The following RSPH14 variants were observed in gnomAD, a reference collection of about 807,000 sequenced individuals.
RSPH14 encodes radial spoke head 14 homolog, also known as rhabdoid tumor deletion region gene 1.
In RSPH14, 20 loss-of-function variants were observed where a neutral mutation model predicts 26.7. That is an observed-to-expected ratio of 0.75 (90% CI 0.53 to 1.09). RSPH14 has a LOEUF of 1.09. RSPH14 is among the 50% of genes least tolerant of loss of function. The probability of loss-of-function intolerance (pLI) is 0.00; values close to 1 mark genes in which losing one functional copy is unlikely to be tolerated. For synonymous variants in RSPH14, 177 were observed against 189.3 expected, an observed-to-expected ratio of 0.93 and a Z score of 0.53; for missense variants, 449 against 457.2, an observed-to-expected ratio of 0.98 and a Z score of 0.16.
upstream of RSPH14, among the ~76,000 whole-genome samples, chr22:23,148,226 A>G (rs1346075292): frequency 6.6e-6 from 1 of 152,108 alleles, no homozygotes; most frequent in East Asian, 1.9e-4. Flanking sequence ...TGTGTCTCAG[A>G]CCTGTGGACA....
At chr22:23,153,668 G>A in the RSPH14 span, 4 of 443,572 alleles carry the variant, frequency 9.0e-6, no homozygotes, top group Non-Finnish European at 1.2e-5. Flanking sequence ...CCTCTCCCCA[G>A]CCTCACTTTC....
intron 4 of RSPH14, among the ~76,000 whole-genome samples, chr22:23,081,821 C>CA (rs55713577): frequency 0.16 from 7,377 of 46,502 alleles, 735 homozygotes; most frequent in Non-Finnish European, 0.19. Flanking sequence ...GATTCCATCT[C>CA]AAAAAAAAAA....
the RSPH14 span, chr22:23,150,153 G>A: frequency 8.4e-5 from 135 of 1,608,918 alleles, 1 homozygote; most frequent in African/African-American, 1.2e-3. Flanking sequence ...GGGGACTGTC[G>A]GGTGAGCCTG....
chr22:23,155,027 A>T, the RSPH14 span, among the ~76,000 whole-genome samples: 1 of 152,208 alleles, frequency 6.6e-6, no homozygotes, highest in African/African-American at 2.4e-5. Flanking sequence ...TGGGAGGCTG[A>T]GGCAGGAGAA....
intron 2 of RSPH14, among the ~76,000 whole-genome samples, chr22:23,139,261 C>T (rs767036066): frequency 3.9e-5 from 6 of 152,360 alleles, no homozygotes; most frequent in South Asian, 4.1e-4. Flanking sequence ...AAATTATAAC[C>T]CTGTGTCAAA....
At chr22:23,116,413 C>A (rs2069837950) in intron 4 of RSPH14, among the ~76,000 whole-genome samples, 2 of 152,254 alleles carry the variant, frequency 1.3e-5, no homozygotes, top group Non-Finnish European at 2.9e-5. Context: ...AGGACATTTG[C>A]AGTGCAGGAG....
At chr22:23,103,970 C>A (rs1369419321) in intron 4 of RSPH14, among the ~76,000 whole-genome samples, 1 of 152,192 alleles carries the variant, frequency 6.6e-6, no homozygotes, top group Non-Finnish European at 1.5e-5. Flanking sequence ...AAGCCAGGAA[C>A]AGGTGCCTCC....
chr22:23,174,460 AC>A, the RSPH14 span, among the ~76,000 whole-genome samples: 1 of 152,146 alleles, frequency 6.6e-6, no homozygotes, highest in African/African-American at 2.4e-5. Flanking sequence ...CACTCAGAGA[AC>A]AAGGGAAATT....
At chr22:23,072,735 G>A (rs941542013) in intron 4 of RSPH14, among the ~76,000 whole-genome samples, 2 of 152,230 alleles carry the variant, frequency 1.3e-5, no homozygotes, top group Non-Finnish European at 2.9e-5. Context: ...GACCTGGCAT[G>A]TGACTGTGGG....
rs773660018 is a variant in RSPH14, at chr22:23,140,270, A to G, written c.151T>C (p.Cys51Arg). The stretch of plus-strand genomic sequence containing the variant: ...CACTCGGGGTCATGCATGAGGTCAC[A>G]CAAGGCCATGAGGGCTTTCTGCCTC... Reference protein sequence around the residue: ...QTRQKALMALCDLMHDPECIY... With the variant: ...QTRQKALMALRDLMHDPECIY... Residue 51 changes from cysteine (C) to arginine (R), a missense_variant, in exon 2 of 7, where the codon TGT becomes CGT. Coordinates refer to ENST00000216036, the MANE Select transcript of RSPH14 (RefSeq NM_014433.3). 1 of 1,614,186 alleles carries G rather than the reference A, an allele frequency of 6.2e-7. No homozygotes were observed. The highest frequency in any genetic ancestry group is 2.2e-5 in the East Asian group (1 of 44,886).
chr22:23,096,004 C>T (rs1805058), intron 4 of RSPH14: 419,142 of 1,608,086 alleles, frequency 0.26, 56,189 homozygotes, highest in East Asian at 0.36. Flanking sequence ...GCGCCTACGA[C>T]GCTGTGCAGC....
chr22:23,155,690 G>A, the RSPH14 span, among the ~76,000 whole-genome samples: 3 of 152,212 alleles, frequency 2.0e-5, no homozygotes, highest in African/African-American at 7.2e-5. Context: ...CAGTCAGAAG[G>A]GAGTGAGCTG....
chr22:23,105,645 T>C (rs2069447108), intron 4 of RSPH14, among the ~76,000 whole-genome samples: 1 of 152,234 alleles, frequency 6.6e-6, no homozygotes, highest in African/African-American at 2.4e-5. Context: ...CACACTGTGC[T>C]TTCTTCGCAT....
chr22:23,169,272 G>GT, the RSPH14 span, among the ~76,000 whole-genome samples: 1 of 152,220 alleles, frequency 6.6e-6, no homozygotes, highest in South Asian at 2.1e-4. Flanking sequence ...AAGGACAGCT[G>GT]TATTGATGGC....
chr22:23,159,884 A>G, the RSPH14 span, among the ~76,000 whole-genome samples: 1 of 152,134 alleles, frequency 6.6e-6, no homozygotes, highest in Non-Finnish European at 1.5e-5. Flanking sequence ...CCTCCATCTC[A>G]TCTGGGAAGC....
intron 4 of RSPH14, among the ~76,000 whole-genome samples, chr22:23,103,503 C>T (rs958612171): frequency 2.0e-5 from 3 of 152,190 alleles, no homozygotes; most frequent in Admixed American, 1.3e-4. Context: ...ACCCTGTGGC[C>T]GCGTGGGTTG....
intron 3 of RSPH14, chr22:23,137,771 T>C (rs1404907860): frequency 4.4e-6 from 1 of 227,068 alleles, no homozygotes; most frequent in African/African-American, 2.3e-5. Context: ...TGGGGTTCTG[T>C]TTTTTTGGGG....
the RSPH14 span, among the ~76,000 whole-genome samples, chr22:23,165,255 G>C: frequency 6.6e-6 from 1 of 152,346 alleles, no homozygotes; most frequent in Non-Finnish European, 1.5e-5. Context: ...CCAGCAGACA[G>C]ATTGCACTCT....
At chr22:23,175,380 A>T in the RSPH14 span, among the ~76,000 whole-genome samples, 2 of 144,938 alleles carry the variant, frequency 1.4e-5, no homozygotes, top group Admixed American at 6.9e-5. Flanking sequence ...GTCTCACTCC[A>T]TCACCCAGGC....
Sources: gnomAD v4.1 joint callset for allele counts (sites outside exome capture counted in the v4.1 genomes callset) on GRCh38, gnomAD v4.1.1 for gene constraint, MANE v1.5 for transcripts, NCBI Gene and HGNC (gene_info 2026-07-23, HGNC 2026-07-21) for gene names.